The following SOD3 variants were observed in gnomAD, a reference collection of about 807,000 sequenced individuals.
The protein encoded by SOD3 is extracellular superoxide dismutase [Cu-Zn].
SOD3 carries 3 observed loss-of-function variants against 2.6 expected under a neutral mutation model. The ratio of observed to expected loss-of-function variants is 1.13; its 90% confidence interval spans 0.52 to 2.93. The LOEUF is 2.93. SOD3 is among the 30% of genes most tolerant of loss of function. SOD3 has a pLI of 0.04. For synonymous variants in SOD3, 188 were observed against 177.5 expected, an observed-to-expected ratio of 1.06 and a Z score of -0.47; for missense variants, 379 against 370.4, an observed-to-expected ratio of 1.02 and a Z score of -0.19.
Position 24,799,551 on chromosome 4 carries a change from C to A in SOD3, c.30C>A (p.Leu10=), listed in dbSNP as rs1713768281. 6.2e-7 allele frequency: 1 copy of A among 1,601,128 alleles called. No homozygotes were observed. Among genetic ancestry groups the A allele is most frequent in the African/African-American group, 1.3e-5 (1 of 74,928 alleles). Residue 10 remains leucine (L), a synonymous_variant, in exon 2 of 2, where the codon CTC becomes CTA. Transcript: ENST00000382120. The stretch of plus-strand genomic sequence containing the variant: ...TGGCGCTACTGTGTTCCTGCCTGCT[C>A]CTGGCAGCCGGTGCCTCGGACGCCT... MLALLCSCL[L]LAAGASDAWT... is the part of the protein sequence containing the mutation.
rs1195699623 is a variant in SOD3, at chr4:24,799,845, C to A, written c.324C>A (p.Ser108Arg). The change falls in exon 2 of 2, where the codon AGC becomes AGA. Residue 108 changes from serine (S) to arginine (R), a missense_variant. Ser to Arg is a moderately radical substitution (Grantham distance 110, BLOSUM62 -1). Coordinates refer to ENST00000382120, the MANE Select transcript of SOD3 (RefSeq NM_003102.4). ...ALEGFPTEPN[S>R]SSRAIHVHQF... The stretch of plus-strand genomic sequence containing the variant: ...AGGGCTTCCCGACCGAGCCGAACAG[C>A]TCCAGCCGCGCCATCCACGTGCACC... 3 of 1,602,092 alleles carry A rather than the reference C, an allele frequency of 1.9e-6. No individual in the cohort carries two copies. Among genetic ancestry groups the A allele is most frequent in the Non-Finnish European group, 2.5e-6 (3 of 1,179,146 alleles).
At position 24,799,858 on chromosome 4, in the gene SOD3, A is replaced by T. The variant is rs1713787512; in HGVS notation, c.337A>T (p.Ile113Phe). 2.5e-6 allele frequency: 4 copies of T among 1,602,666 alleles called. No individual in the cohort carries two copies. Residue 113 changes from isoleucine (I) to phenylalanine (F), a missense_variant, in exon 2 of 2, where the codon ATC becomes TTC. Coordinates refer to ENST00000382120, the MANE Select transcript of SOD3 (RefSeq NM_003102.4). ...PTEPNSSSRA[I>F]HVHQFGDLSQ... is the part of the protein sequence containing the mutation. The stretch of plus-strand genomic sequence containing the variant: ...CGAGCCGAACAGCTCCAGCCGCGCC[A>T]TCCACGTGCACCAGTTCGGGGACCT...
At chr4:24,799,403 T>G in intron 1 of SOD3, 103 bp from the exon 2 acceptor site, 2 of 1,374,650 alleles carry the variant, frequency 1.5e-6, no homozygotes, top group Non-Finnish European at 1.9e-6. Context: ...GGAAGCCCAC[T>G]GGGGACTGGG....
rs775028312 is a variant in SOD3 at position 24,799,740 on chromosome 4, C to A, written c.219C>A (p.Ala73=). The A allele has an allele frequency of 1.3e-6, 2 of 1,560,960 alleles. No individual in the cohort carries two copies. Among genetic ancestry groups the A allele is most frequent in the Non-Finnish European group, 1.7e-6 (2 of 1,159,050 alleles). ...CQVQPSATLD[A]AQPRVTGVVL... ...TGCAGCCGTCGGCCACGCTGGACGC[C>A]GCGCAGCCCCGGGTGACCGGCGTCG... Residue 73 remains alanine, a synonymous_variant, in exon 2 of 2, where the codon GCC becomes GCA. Transcript: ENST00000382120.
At chr4:24,797,224 T>C (rs1282406561) in intron 1 of SOD3, among the ~76,000 whole-genome samples, 1 of 152,204 alleles carries the variant, frequency 6.6e-6, no homozygotes, top group African/African-American at 2.4e-5. Context: ...TTCTATGTAC[T>C]GGGCTCTGTG....
Position 24,799,911 on chromosome 4 carries a change from C to G in SOD3, c.390C>G (p.Pro130=). 6.3e-7 allele frequency: 1 copy of G among 1,599,844 alleles called. No individual in the cohort carries two copies. Among genetic ancestry groups the G allele is most frequent in the South Asian group, 1.1e-5 (1 of 90,642 alleles). ...DLSQGCESTG[P]HYNPLAVPHP... Reference sequence around the variant, plus strand: ...GCCAGGGCTGCGAGTCCACCGGGCCCCACTACAACCCGCTGGCCGTGCCGC... The same window carrying G: ...GCCAGGGCTGCGAGTCCACCGGGCCGCACTACAACCCGCTGGCCGTGCCGC... Residue 130 remains proline (P), a synonymous_variant, in exon 2 of 2, where the codon CCC becomes CCG. Transcript: ENST00000382120.
chr4:24,798,439 CT>C (rs1017005927), intron 1 of SOD3, among the ~76,000 whole-genome samples: 19 of 152,258 alleles, frequency 1.2e-4, no homozygotes, highest in African/African-American at 4.6e-4. Context: ...CGGTGTGTCT[CT>C]TAAACCCATG....
chr4:24,797,121 T>G (rs1713688556), intron 1 of SOD3, among the ~76,000 whole-genome samples: 1 of 152,172 alleles, frequency 6.6e-6, no homozygotes, highest in Non-Finnish European at 1.5e-5. Context: ...GGACCTCCTC[T>G]CACAGTGTCC....
At position 24,800,038 on chromosome 4, in the gene SOD3, A is replaced by G. The variant is rs1713796651; in HGVS notation, c.517A>G (p.Ile173Val). The change falls in exon 2 of 2, where the codon ATC becomes GTC. Residue 173 changes from isoleucine (I) to valine (V), a missense_variant. Transcript: ENST00000382120. Reference protein sequence around the residue: ...LAASLAGPHSIVGRAVVVHAG... With the variant: ...LAASLAGPHSVVGRAVVVHAG... ...CGCCTCGCTCGCGGGCCCGCACTCCATCGTGGGCCGGGCCGTGGTCGTCCA... is the reference window on the plus strand; with the variant it reads ...CGCCTCGCTCGCGGGCCCGCACTCCGTCGTGGGCCGGGCCGTGGTCGTCCA... 1 of 1,501,988 alleles carries G rather than the reference A, an allele frequency of 6.7e-7. No individual in the cohort carries two copies. The highest frequency in any genetic ancestry group is 8.8e-7 in the Non-Finnish European group (1 of 1,135,902). The allele number at this position is 1,501,988 out of a possible 1,614,324, so 93.0% of individuals were successfully genotyped here. A position where few individuals can be genotyped will look rare whatever the true frequency, so the allele number is the denominator to read the frequency against.
intron 1 of SOD3, among the ~76,000 whole-genome samples, chr4:24,799,101 C>G (rs1157690715): frequency 6.6e-6 from 1 of 152,086 alleles, no homozygotes. Context: ...GGGACAGAAG[C>G]CTTAGGGATG....
chr4:24,800,600 T>TC lies in SOD3; in HGVS notation c.*361dup. On this transcript the variant is annotated 3_prime_UTR_variant, in exon 2 of 2. Coordinates refer to ENST00000382120, the MANE Select transcript of SOD3 (RefSeq NM_003102.4). ...ACTCCCGCCTTTGACCTGACGATCT[T>TC]CCCCCTTCCCGCCTTCAGGTTCCTC... The TC allele has an allele frequency of 1.1e-5, 2 of 188,240 alleles. No homozygotes were observed. The highest frequency in any genetic ancestry group is 2.4e-5 in the Non-Finnish European group (2 of 82,698). The allele number at this position is 188,240 out of a possible 1,614,324, so 11.7% of individuals were successfully genotyped here.
intron 1 of SOD3, among the ~76,000 whole-genome samples, chr4:24,796,145 G>T (rs17882807): frequency 6.6e-6 from 1 of 152,142 alleles, no homozygotes; most frequent in East Asian, 1.9e-4. Flanking sequence ...GGAGATAAAG[G>T]CTTGGTGCCT....
At chr4:24,798,310 AC>A (rs563433667) in intron 1 of SOD3, among the ~76,000 whole-genome samples, 2 of 152,050 alleles carry the variant, frequency 1.3e-5, no homozygotes, top group Non-Finnish European at 2.9e-5. Context: ...CTCCAGCTGA[AC>A]TAATCCTCTC....
Position 24,799,486 on chromosome 4 carries a change from T to TC in SOD3, c.-16-18dup. The TC allele has an allele frequency of 6.3e-7, 1 of 1,592,108 alleles. No homozygotes were observed. Among genetic ancestry groups the TC allele is most frequent in the East Asian group, 2.2e-5 (1 of 44,610 alleles). On this transcript the variant is annotated intron_variant, in intron 1 of 1. Coordinates refer to ENST00000382120, the MANE Select transcript of SOD3 (RefSeq NM_003102.4). ...GACTAAGCCTCACTCTGCCCCCACC[T>TC]CCGCGGGGGCGTCCCGCAGGTGCCC...
At position 24,799,930 on chromosome 4, in the gene SOD3, G is replaced by A; in HGVS notation, c.409G>A (p.Val137Met). The change falls in exon 2 of 2, where the codon GTG becomes ATG. Residue 137 changes from valine to methionine, a missense_variant. Transcript: ENST00000382120. ...STGPHYNPLA[V>M]PHPQHPGDFG... Reference sequence around the variant, plus strand: ...CGGGCCCCACTACAACCCGCTGGCCGTGCCGCACCCGCAGCACCCGGGCGA... The same window carrying A: ...CGGGCCCCACTACAACCCGCTGGCCATGCCGCACCCGCAGCACCCGGGCGA... 1 of 1,596,710 alleles carries A rather than the reference G, an allele frequency of 6.3e-7. No homozygotes were observed. The highest frequency in any genetic ancestry group is 8.5e-7 in the Non-Finnish European group (1 of 1,177,792).
At chr4:24,799,024 T>C (rs1423056482) in intron 1 of SOD3, among the ~76,000 whole-genome samples, 1 of 152,124 alleles carries the variant, frequency 6.6e-6, no homozygotes, top group Non-Finnish European at 1.5e-5. Context: ...GTCTACTGAG[T>C]GTAGCAGAGA....
At chr4:24,796,588 C>G (rs1464172289) in intron 1 of SOD3, among the ~76,000 whole-genome samples, 2 of 150,060 alleles carry the variant, frequency 1.3e-5, no homozygotes, top group African/African-American at 4.9e-5. Context: ...TCCTGAGTAA[C>G]TGGGACTACA....
In SOD3 at chr4:24,800,000, G is replaced by A; in HGVS notation, c.479G>A (p.Arg160His). 2 of 1,564,598 alleles carry A rather than the reference G, an allele frequency of 1.3e-6. No individual in the cohort carries two copies. The highest frequency in any genetic ancestry group is 1.8e-5 in the Admixed American group (1 of 55,778). Residue 160 changes from arginine to histidine, a missense_variant, in exon 2 of 2, where the codon CGC (arginine) becomes CAC (histidine). Arg to His is a conservative substitution (Grantham distance 29). Coordinates refer to ENST00000382120, the MANE Select transcript of SOD3 (RefSeq NM_003102.4). ...CGCGACGGCAGCCTCTGGAGGTACC[G>A]CGCCGGCCTGGCCGCCTCGCTCGCG... ...AVRDGSLWRY[R>H]AGLAASLAGP...
rs1239922043 is a variant in SOD3 at position 24,800,053 on chromosome 4, G to C, written c.532G>C (p.Val178Leu). ...AGPHSIVGRA[V>L]VVHAGEDDLG... ...CCCGCACTCCATCGTGGGCCGGGCC[G>C]TGGTCGTCCACGCTGGCGAGGACGA... is the stretch of plus-strand genomic sequence containing the variant. The change falls in exon 2 of 2, where the codon GTG becomes CTG. Residue 178 changes from valine to leucine, a missense_variant. Physicochemically the swap from Val to Leu is conservative, Grantham distance 32. Coordinates refer to ENST00000382120, the MANE Select transcript of SOD3 (RefSeq NM_003102.4). 3.4e-6 allele frequency: 5 copies of C among 1,466,528 alleles called. No individual in the cohort carries two copies. The highest frequency in any genetic ancestry group is 2.7e-5 in the Admixed American group (1 of 36,790). The allele number at this position is 1,466,528 out of a possible 1,614,324, so 90.8% of individuals were successfully genotyped here.
Sources: allele counts gnomAD v4.1 joint callset (sites outside exome capture counted in the v4.1 genomes callset), GRCh38; gene constraint gnomAD v4.1.1; transcripts MANE v1.5; gene names NCBI Gene and HGNC (gene_info 2026-07-23, HGNC 2026-07-21).